Variants in SFMBT2 observed in about 807,000 individuals in gnomAD.
SFMBT2 encodes the protein scm-like with four MBT domains protein 2.
Under a neutral mutation model 110.1 loss-of-function variants are expected in SFMBT2, and 38 were observed. The observed-to-expected ratio is 0.35, with a 90% confidence interval of 0.27 to 0.45. SFMBT2 has a LOEUF of 0.45. Among genes scored for constraint, SFMBT2 ranks in the 20% least tolerant of loss-of-function variants. The pLI, the probability that SFMBT2 is intolerant of heterozygous loss-of-function variation, is 1.00. For synonymous variants in SFMBT2, 425 were observed against 425.4 expected, an observed-to-expected ratio of 1.00 and a Z score of 0.01; for missense variants, 1,011 against 1,094.9, an observed-to-expected ratio of 0.92 and a Z score of 1.08.
chr10:7,248,553 T>C lies in SFMBT2; in HGVS notation c.967A>G (p.Thr323Ala). 6.2e-7 allele frequency: 1 copy of C among 1,614,032 alleles called. No homozygotes were observed. Among genetic ancestry groups the C allele is most frequent in the Non-Finnish European group, 8.5e-7 (1 of 1,179,914 alleles). ...EPFYISPASV[T>A]KVFNNHFFQV... Reference sequence around the variant, plus strand: ...AGCGAGGGAGGAAAACCCACCTTAGTCACCGACGCAGGAGAGATGTAAAAG... The same window carrying C: ...AGCGAGGGAGGAAAACCCACCTTAGCCACCGACGCAGGAGAGATGTAAAAG... The change falls in exon 8 of 21, where the codon ACT (threonine) becomes GCT (alanine). Residue 323 changes from threonine (T) to alanine (A), a missense_variant. Coordinates refer to ENST00000397167, the MANE Select transcript of SFMBT2 (RefSeq NM_001387889.1).
At chr10:7,190,070 C>T (rs1305295547) in intron 15 of SFMBT2, among the ~76,000 whole-genome samples, 4 of 152,200 alleles carry the variant, frequency 2.6e-5, no homozygotes, top group Non-Finnish European at 5.9e-5. Flanking sequence ...GTCAGCCCGG[C>T]GACGGCCTTT....
intron 11 of SFMBT2, among the ~76,000 whole-genome samples, chr10:7,214,019 C>G (rs1441296409): frequency 2.0e-5 from 3 of 151,546 alleles, no homozygotes; most frequent in Non-Finnish European, 4.4e-5. Context: ...TGAGCCAGCC[C>G]TGCCACCCCA....
intron 2 of SFMBT2, among the ~76,000 whole-genome samples, chr10:7,372,436 A>G (rs1845088061): frequency 6.6e-6 from 1 of 152,210 alleles, no homozygotes; most frequent in Non-Finnish European, 1.5e-5. Context: ...AAAAAGAAAA[A>G]GAAAAAGCTA....
At chr10:7,186,804 C>T (rs1410325737) in intron 16 of SFMBT2, among the ~76,000 whole-genome samples, 4 of 152,190 alleles carry the variant, frequency 2.6e-5, no homozygotes, top group Non-Finnish European at 5.9e-5. Flanking sequence ...ACTCAACACA[C>T]AGTATCAGAG....
chr10:7,246,107 A>G (rs1840599992), intron 8 of SFMBT2: 1 of 971,366 alleles, frequency 1.0e-6, no homozygotes, highest in Non-Finnish European at 1.2e-6. Flanking sequence ...ACATACCCCA[A>G]TCCATGTGTT....
At position 7,301,600 on chromosome 10, in the gene SFMBT2, C is replaced by T. The variant is rs546685809; in HGVS notation, c.437-15646G>A. Among the ~76,000 whole-genome samples the T allele has an allele frequency of 7.2e-5, 11 of 152,290 alleles. No homozygotes were observed. Among genetic ancestry groups the T allele is most frequent in the African/African-American group, 2.6e-4 (11 of 41,574 alleles). Reference sequence around the variant, plus strand: ...AAATTCGCGGAACACCAGCCAGGGGCATCTCCGCTGCCTCCACAGGACAAA... The same window carrying T: ...AAATTCGCGGAACACCAGCCAGGGGTATCTCCGCTGCCTCCACAGGACAAA... On this transcript the variant is annotated intron_variant, in intron 4 of 20. Coordinates refer to ENST00000397167, the MANE Select transcript of SFMBT2 (RefSeq NM_001387889.1). This position sits in a 1 kb window ranked among gnomAD's most constrained non-coding sequence, Gnocchi z 4.2.
intron 1 of SFMBT2, among the ~76,000 whole-genome samples, chr10:7,387,493 G>T (rs1845641542): frequency 6.6e-6 from 1 of 152,130 alleles, no homozygotes. Flanking sequence ...CACCAAGAAT[G>T]TACCTGGAAT....
At chr10:7,350,908 G>A (rs901118924) in intron 4 of SFMBT2, among the ~76,000 whole-genome samples, 1 of 152,146 alleles carries the variant, frequency 6.6e-6, no homozygotes, top group Non-Finnish European at 1.5e-5. Flanking sequence ...CAATTCCCTT[G>A]GTAGTAGCCA....
intron 16 of SFMBT2, among the ~76,000 whole-genome samples, chr10:7,177,154 T>C (rs186839263): frequency 6.6e-6 from 1 of 152,242 alleles, no homozygotes; most frequent in African/African-American, 2.4e-5. Context: ...CATGCACACC[T>C]TCACCGCAAT....
rs1175653459 is a variant in SFMBT2, at chr10:7,205,703, C to A, written c.1444+112G>T. On this transcript the variant is annotated intron_variant, in intron 12 of 20. Coordinates refer to ENST00000397167, the MANE Select transcript of SFMBT2 (RefSeq NM_001387889.1). ...AAAACATGGGTTCTTGGTGGAAAAT[C>A]AAAAATCTTATTTGTTCTTTAGAAC... is the stretch of plus-strand genomic sequence containing the variant. The A allele has an allele frequency of 1.5e-5, 22 of 1,430,232 alleles. No individual in the cohort carries two copies. In the East Asian group the frequency reaches 2.1e-4, roughly 14 times the overall value. 88.6% of individuals were successfully genotyped at this position (1,430,232 alleles called of 1,614,324 possible). A position where few individuals can be genotyped will look rare whatever the true frequency, so the allele number is the denominator to read the frequency against.
intron 4 of SFMBT2, among the ~76,000 whole-genome samples, chr10:7,315,138 G>A (rs1180513220): frequency 1.3e-5 from 2 of 151,876 alleles, no homozygotes; most frequent in Non-Finnish European, 1.5e-5. Flanking sequence ...CAGCCAATCC[G>A]GCAGCACAAG....
intron 20 of SFMBT2, among the ~76,000 whole-genome samples, chr10:7,166,649 T>A (rs61836737): frequency 6.3e-4 from 96 of 152,182 alleles, no homozygotes; most frequent in African/African-American, 2.2e-3. Context: ...GATATTAACA[T>A]ATGGATGCAG....
At chr10:7,338,928 T>C (rs780112447) in intron 4 of SFMBT2, among the ~76,000 whole-genome samples, 6 of 152,184 alleles carry the variant, frequency 3.9e-5, no homozygotes, top group Non-Finnish European at 7.3e-5. Context: ...CTTGCTTAAT[T>C]TCAAATCTTC....
intron 17 of SFMBT2, among the ~76,000 whole-genome samples, chr10:7,173,024 G>C (rs2131533294): frequency 6.6e-6 from 1 of 152,280 alleles, no homozygotes; most frequent in Non-Finnish European, 1.5e-5. Context: ...CAAAGGAGAG[G>C]CCCCATGAGG....
chr10:7,288,263 G>A (rs1321372225), intron 4 of SFMBT2, among the ~76,000 whole-genome samples: 1 of 152,106 alleles, frequency 6.6e-6, no homozygotes, highest in Non-Finnish European at 1.5e-5. Context: ...AAACCAACAT[G>A]CACGGAACTC....
intron 4 of SFMBT2, among the ~76,000 whole-genome samples, chr10:7,337,377 T>C (rs1048519162): frequency 3.3e-5 from 5 of 152,234 alleles, no homozygotes; most frequent in African/African-American, 1.2e-4. Context: ...AAATTTCATG[T>C]ACAATTGTAA....
At chr10:7,206,393 C>A in intron 11 of SFMBT2, 1 of 985,392 alleles carries the variant, frequency 1.0e-6, no homozygotes, top group Non-Finnish European at 1.2e-6. Flanking sequence ...GTAAAGGCAA[C>A]CTTCAATGAA....
At chr10:7,220,913 G>A (rs890523779) in intron 10 of SFMBT2, among the ~76,000 whole-genome samples, 2 of 150,694 alleles carry the variant, frequency 1.3e-5, no homozygotes, top group Non-Finnish European at 1.5e-5. Flanking sequence ...TGCCAGTTCC[G>A]CCTCCCGGGT....
At position 7,367,601 on chromosome 10, in the gene SFMBT2, A is replaced by G; in HGVS notation, c.436+48T>C. The G allele has an allele frequency of 6.3e-7, 1 of 1,582,820 alleles. No individual in the cohort carries two copies. The highest frequency in any genetic ancestry group is 8.6e-7 in the Non-Finnish European group (1 of 1,164,414). ...TGCTCCTTGCAAAATTACAGGCGTC[A>G]TGAAGGATGGCGGCTCGTAAATCGA... On this transcript the variant is annotated intron_variant, in intron 4 of 20. Coordinates refer to ENST00000397167, the MANE Select transcript of SFMBT2 (RefSeq NM_001387889.1). The surrounding 1 kb of genome is among the most constrained non-coding windows in gnomAD (Gnocchi z 6.2).
Sources: allele counts gnomAD v4.1 joint callset (sites outside exome capture counted in the v4.1 genomes callset), GRCh38; gene constraint gnomAD v4.1.1; non-coding constraint Gnocchi (gnomAD v3.1); transcripts MANE v1.5; gene names NCBI Gene and HGNC (gene_info 2026-07-23, HGNC 2026-07-21).